The following UMAD1 variants were observed in gnomAD, a reference collection of about 807,000 sequenced individuals.
The protein encoded by UMAD1 is UBAP1-MVB12-associated (UMA)-domain containing protein 1.
A neutral mutation model predicts 6.1 loss-of-function variants in UMAD1; 8 were observed. The observed-to-expected ratio is 1.30, with a 90% confidence interval of 0.76 to 2.35. The LOEUF is 2.35. Ranked by LOEUF, UMAD1 falls within the 30% of genes most tolerant of loss-of-function variation. The pLI, the probability that UMAD1 is intolerant of heterozygous loss-of-function variation, is 0.00. For synonymous variants in UMAD1, 56 were observed against 31.4 expected, an observed-to-expected ratio of 1.78 and a Z score of -2.61; for missense variants, 130 against 78.4, an observed-to-expected ratio of 1.66 and a Z score of -2.49.
intron 2 of UMAD1, among the ~76,000 whole-genome samples, chr7:7,729,049 T>A (rs1781196589): frequency 6.6e-6 from 1 of 152,220 alleles, no homozygotes; most frequent in Non-Finnish European, 1.5e-5. Context: ...GAGTAAGGCT[T>A]CCATAAGTAC....
At chr7:7,822,366 T>C in intron 3 of UMAD1, among the ~76,000 whole-genome samples, 1 of 152,094 alleles carries the variant, frequency 6.6e-6, no homozygotes, top group East Asian at 1.9e-4. Flanking sequence ...AGGTAGTAAG[T>C]TAATCTTGTT....
chr7:7,655,583 A>G (rs1342703758), intron 1 of UMAD1, among the ~76,000 whole-genome samples: 2 of 152,142 alleles, frequency 1.3e-5, no homozygotes, highest in African/African-American at 2.4e-5. Flanking sequence ...GCTAAAAGTA[A>G]TAACATTTAA....
intron 2 of UMAD1, among the ~76,000 whole-genome samples, chr7:7,761,006 AATAG>A (rs1781877707): frequency 6.6e-6 from 1 of 152,154 alleles, no homozygotes; most frequent in South Asian, 2.1e-4. Flanking sequence ...AAGGCTGGAA[AATAG>A]ATAGGAAATA....
intron 3 of UMAD1, among the ~76,000 whole-genome samples, chr7:7,838,750 T>C (rs1433185361): frequency 6.6e-6 from 1 of 152,144 alleles, no homozygotes; most frequent in Admixed American, 6.5e-5. Flanking sequence ...TGAAATACTC[T>C]TAAGGATATG....
Position 7,877,837 on chromosome 7 carries a change from T to G in UMAD1, c.*299T>G. The stretch of plus-strand genomic sequence containing the variant: ...CAAAATATAACACCTCAAATTTATC[T>G]TAGAAGAACTGTGAAAAAGAATTGT... On this transcript the variant is annotated 3_prime_UTR_variant, in exon 4 of 4. Coordinates refer to ENST00000682710, the MANE Select transcript of UMAD1 (RefSeq NM_001302348.2). 3.3e-6 allele frequency: 1 copy of G among 300,492 alleles called. No individual in the cohort carries two copies. The allele number at this position is 300,492 out of a possible 1,614,324, so 18.6% of individuals were successfully genotyped here.
At chr7:7,821,859 T>G (rs1489895796) in intron 3 of UMAD1, among the ~76,000 whole-genome samples, 1 of 152,168 alleles carries the variant, frequency 6.6e-6, no homozygotes, top group Non-Finnish European at 1.5e-5. Context: ...TAAATTGGTT[T>G]TCAGAGACCC....
intron 3 of UMAD1, among the ~76,000 whole-genome samples, chr7:7,838,536 G>C (rs577085163): frequency 2.0e-5 from 3 of 152,232 alleles, no homozygotes; most frequent in African/African-American, 7.2e-5. Context: ...ACCACTTTTA[G>C]CAATAATCTG....
intron 2 of UMAD1, among the ~76,000 whole-genome samples, chr7:7,695,550 A>G (rs1780291922): frequency 6.6e-6 from 1 of 152,188 alleles, no homozygotes; most frequent in African/African-American, 2.4e-5. Flanking sequence ...TCTCAGAGCA[A>G]GAACACTCAA....
At chr7:7,803,342 G>C (rs551594751) in intron 3 of UMAD1, among the ~76,000 whole-genome samples, 1 of 152,174 alleles carries the variant, frequency 6.6e-6, no homozygotes, top group South Asian at 2.1e-4. Context: ...GAGTGTGGTG[G>C]CACATGCCTG....
chr7:7,721,414 A>G (rs11760924), intron 2 of UMAD1, among the ~76,000 whole-genome samples: 48,170 of 151,938 alleles, frequency 0.32, 8,119 homozygotes, highest in African/African-American at 0.45. Flanking sequence ...ATGTTAAGGC[A>G]CCTGCGTGAA....
intron 1 of UMAD1, among the ~76,000 whole-genome samples, chr7:7,665,488 C>T (rs1329464062): frequency 1.3e-5 from 2 of 152,220 alleles, no homozygotes; most frequent in Admixed American, 1.3e-4. Flanking sequence ...CTAAAACTTA[C>T]ATGTGACATC....
chr7:7,877,313 A>G lies in UMAD1; in HGVS notation c.189A>G (p.Val63=). ...AAGAAAATTCATCCAGTGTGACTGT[A>G]TCAGACCCTGAGATGGAAAATAAGG... ...TNKENSSSVT[V]SDPEMENKAG... is the part of the protein sequence containing the mutation. The change falls in exon 4 of 4, where the codon GTA becomes GTG. Residue 63 remains valine (V), a synonymous_variant. Coordinates refer to ENST00000682710, the MANE Select transcript of UMAD1 (RefSeq NM_001302348.2). 2 of 717,524 alleles carry G rather than the reference A, an allele frequency of 2.8e-6. No individual in the cohort carries two copies. The highest frequency in any genetic ancestry group is 5.2e-6 in the Non-Finnish European group (2 of 385,088). 44.4% of individuals were successfully genotyped at this position (717,524 alleles called of 1,614,324 possible). A position where few individuals can be genotyped will look rare whatever the true frequency, so the allele number is the denominator to read the frequency against.
At chr7:7,825,455 A>C (rs1410778966) in intron 3 of UMAD1, among the ~76,000 whole-genome samples, 1 of 152,186 alleles carries the variant, frequency 6.6e-6, no homozygotes, top group East Asian at 1.9e-4. Flanking sequence ...CCTCACAATC[A>C]TGGTGGAAGG....
intron 1 of UMAD1, among the ~76,000 whole-genome samples, chr7:7,656,483 C>G (rs59398234): frequency 0.31 from 47,067 of 151,524 alleles, 9,250 homozygotes; most frequent in East Asian, 0.8. Context: ...CACCCCATGA[C>G]AGGCCCCAGT....
intron 3 of UMAD1, among the ~76,000 whole-genome samples, chr7:7,813,683 T>C: frequency 6.6e-6 from 1 of 152,244 alleles, no homozygotes; most frequent in Middle Eastern, 3.2e-3. Flanking sequence ...CTTTTTAAGA[T>C]GGTTTCTCTT....
chr7:7,767,128 C>CTTTTTTTTTTTTTTTTTTTTTT lies in UMAD1; in HGVS notation c.83-34528_83-34527insTTTTTTTTTTTTTTTTTTTTTT, dbSNP rs71014711. Among the ~76,000 whole-genome samples, 686 of 129,670 alleles carry CTTTTTTTTTTTTTTTTTTTTTT rather than the reference C, an allele frequency of 5.3e-3. 38 individuals carry two copies. Among genetic ancestry groups the CTTTTTTTTTTTTTTTTTTTTTT allele is most frequent in the Middle Eastern group, 0.013 (3 of 226 alleles). The allele number at this position is 129,670 out of a possible 152,430, so 85.1% of individuals were successfully genotyped here. ...AGTGAGCATTTCAAGAAATTAAGCT[C>CTTTTTTTTTTTTTTTTTTTTTT]TTTTTTTTTTTTTTGAGACGGACTC... On this transcript the variant is annotated intron_variant, in intron 2 of 3. Transcript: ENST00000682710.
At chr7:7,743,568 T>C (rs1368817491) in intron 2 of UMAD1, among the ~76,000 whole-genome samples, 2 of 152,032 alleles carry the variant, frequency 1.3e-5, no homozygotes, top group Non-Finnish European at 2.9e-5. Flanking sequence ...TTATGTATGT[T>C]TGGACTTATA....
intron 2 of UMAD1, among the ~76,000 whole-genome samples, chr7:7,796,952 T>C (rs1009161491): frequency 1.3e-5 from 2 of 152,192 alleles, no homozygotes; most frequent in Non-Finnish European, 2.9e-5. Flanking sequence ...ATTAAAGTTC[T>C]TTTTCTGCTG....
At chr7:7,741,091 A>T (rs143936848) in intron 2 of UMAD1, 1 of 152,192 alleles carries the variant, frequency 6.6e-6, no homozygotes, top group Admixed American at 6.5e-5. Flanking sequence ...AAAACCATTA[A>T]CGTAGCTAAT....
Sources: allele counts gnomAD v4.1 joint callset (sites outside exome capture counted in the v4.1 genomes callset), GRCh38; gene constraint gnomAD v4.1.1; transcripts MANE v1.5; gene names NCBI Gene and HGNC (gene_info 2026-07-23, HGNC 2026-07-21).